The following NFATC3 variants were observed in gnomAD, a reference collection of about 807,000 sequenced individuals.
NFATC3 encodes the protein nuclear factor of activated T cells 3, also known as nuclear factor of activated T-cells, cytoplasmic 3.
In NFATC3, 46 loss-of-function variants were observed where a neutral mutation model predicts 98.6. The observed-to-expected ratio is 0.47, with a 90% CI of 0.37 to 0.60. The LOEUF (loss-of-function observed/expected upper bound fraction) is 0.60. Among genes scored for constraint, NFATC3 ranks in the 20% least tolerant of loss-of-function variants. NFATC3 has a pLI of 0.00. For missense variants in NFATC3, 1,256 were observed against 1,295.5 expected (o/e 0.97, Z 0.47); for synonymous variants, 512 against 472.2 (o/e 1.08, Z -1.09).
intron 1 of NFATC3, among the ~76,000 whole-genome samples, chr16:68,100,233 C>G (rs1469166320): frequency 6.6e-6 from 1 of 151,602 alleles, no homozygotes; most frequent in African/African-American, 2.4e-5. Flanking sequence ...GGTATAAATA[C>G]CCAGAAGTAC....
At chr16:68,170,296 C>G (rs891698269) in intron 5 of NFATC3, among the ~76,000 whole-genome samples, 4 of 138,298 alleles carry the variant, frequency 2.9e-5, no homozygotes, top group Non-Finnish European at 6.1e-5. Flanking sequence ...GAGGTTGAGG[C>G]AAAGGAATCA....
intron 3 of NFATC3, among the ~76,000 whole-genome samples, chr16:68,156,280 A>T (rs2038609874): frequency 6.6e-6 from 1 of 152,156 alleles, no homozygotes; most frequent in Non-Finnish European, 1.5e-5. Flanking sequence ...GTGTCACTGC[A>T]CTCCAGCCTG....
chr16:68,136,847 A>G (rs965866267), intron 3 of NFATC3, among the ~76,000 whole-genome samples: 4 of 152,188 alleles, frequency 2.6e-5, no homozygotes, highest in Non-Finnish European at 5.9e-5. Flanking sequence ...CCTGGGCAAC[A>G]TGTTGAGAGC....
intron 9 of NFATC3, chr16:68,218,203 C>A: frequency 5.0e-6 from 1 of 200,650 alleles, no homozygotes; most frequent in Non-Finnish European, 8.9e-6. Context: ...GCTGGGATTA[C>A]AAGCATGACC....
chr16:68,110,287 G>C (rs56377614), intron 1 of NFATC3, among the ~76,000 whole-genome samples: 1,979 of 151,088 alleles, frequency 0.013, 42 homozygotes, highest in African/African-American at 0.045. Context: ...TTACAGGTGT[G>C]AGCCACCGTG....
intron 5 of NFATC3, among the ~76,000 whole-genome samples, chr16:68,170,221 T>G (rs1209291248): frequency 6.6e-6 from 1 of 151,592 alleles, no homozygotes; most frequent in Non-Finnish European, 1.5e-5. Context: ...TGAAACCCCA[T>G]CTCTACTAAA....
chr16:68,135,302 C>T (rs890209396), intron 3 of NFATC3, among the ~76,000 whole-genome samples: 6 of 151,590 alleles, frequency 4.0e-5, no homozygotes, highest in Admixed American at 1.3e-4. Flanking sequence ...ACTAAAAATA[C>T]AAAAAATTAG....
In NFATC3 at chr16:68,226,642, A is replaced by G; in HGVS notation, c.*171A>G. ...AGGCCTTGGGTAGATTTGGCAAAAG[A>G]ACAGGAGCAGCATAGGCTGTTTGAG... On this transcript the variant is annotated 3_prime_UTR_variant, in exon 10 of 10. Coordinates refer to ENST00000346183, the MANE Select transcript of NFATC3 (RefSeq NM_173165.3). 1.5e-6 allele frequency: 1 copy of G among 661,628 alleles called. No individual in the cohort carries two copies. Among genetic ancestry groups the G allele is most frequent in the Non-Finnish European group, 2.3e-6 (1 of 428,682 alleles). 41.0% of individuals were successfully genotyped at this position (661,628 alleles called of 1,614,324 possible).
rs564298106 is a variant in NFATC3, at chr16:68,191,124, A to G, written c.2455A>G (p.Ile819Val). ...VVYNGPTCLP[I>V]NAASSQEFDS... ...GTACAATGGACCAACTTGTCTTCCT[A>G]TTAATGCTGCCTCTAGTCAAGAATT... The change falls in exon 9 of 10, where the codon ATT becomes GTT. Residue 819 changes from isoleucine (I) to valine (V), a missense_variant. Physicochemically the swap from Ile to Val is conservative, Grantham distance 29. This residue lies in a region of NFATC3 where 636 missense variants were observed against 617.3 expected (regional missense o/e 1.03). Transcript: ENST00000346183. The G allele has an allele frequency of 1.1e-5, 18 of 1,614,218 alleles. No individual in the cohort carries two copies. The highest frequency in any genetic ancestry group is 1.0e-4 in the Admixed American group (6 of 60,028).
intron 9 of NFATC3, 175 bp downstream of exon 9, chr16:68,191,950 C>A: frequency 1.5e-6 from 1 of 679,796 alleles, no homozygotes; most frequent in Non-Finnish European, 2.4e-6. Context: ...CGGCTCACGC[C>A]TGTATCCCAG....
chr16:68,184,631 G>C (rs947319733), intron 8 of NFATC3, among the ~76,000 whole-genome samples: 1 of 152,014 alleles, frequency 6.6e-6, no homozygotes, highest in Non-Finnish European at 1.5e-5. Flanking sequence ...GTGAAACCCC[G>C]TCTCTACTAA....
chr16:68,088,316 G>A (rs1246835863), intron 1 of NFATC3, among the ~76,000 whole-genome samples: 1 of 146,286 alleles, frequency 6.8e-6, no homozygotes, highest in Non-Finnish European at 1.5e-5. Flanking sequence ...CCTTTACATA[G>A]TAGGCACTAT....
intron 5 of NFATC3, among the ~76,000 whole-genome samples, chr16:68,172,977 C>T (rs2039532038): frequency 6.6e-6 from 1 of 152,108 alleles, no homozygotes; most frequent in African/African-American, 2.4e-5. Flanking sequence ...ATGTAAATAT[C>T]TGGGCCCAGT....
intron 3 of NFATC3, among the ~76,000 whole-genome samples, chr16:68,157,495 C>T (rs1234723596): frequency 6.6e-6 from 1 of 152,106 alleles, no homozygotes; most frequent in Non-Finnish European, 1.5e-5. Flanking sequence ...GTTAGAGGAC[C>T]TTCCTATATA....
rs1456626442 is a variant in NFATC3 at position 68,170,486 on chromosome 16, T to TGG, written c.1774+3472_1774+3473dup. The stretch of plus-strand genomic sequence containing the variant: ...ATATATAGTCAGTATTAACCTTTTC[T>TGG]GGCTGTTCTTTTTTTTTTTTTTTTG... On this transcript the variant is annotated intron_variant, in intron 5 of 9. Coordinates refer to ENST00000346183, the MANE Select transcript of NFATC3 (RefSeq NM_173165.3). 9.9e-5 allele frequency among the ~76,000 whole-genome samples: 15 copies of TGG among 151,056 alleles called. No homozygotes were observed. In the South Asian group the frequency reaches 2.9e-3, roughly 29 times the overall value.
At chr16:68,095,828 C>A (rs1196807064) in intron 1 of NFATC3, among the ~76,000 whole-genome samples, 1 of 152,044 alleles carries the variant, frequency 6.6e-6, no homozygotes, top group East Asian at 1.9e-4. Context: ...GGGTTGGTGT[C>A]TTGATGGGTG....
At position 68,122,466 on chromosome 16, in the gene NFATC3, G is replaced by A. The variant is rs2036620044; in HGVS notation, c.583G>A (p.Glu195Lys). ...LSHIYDDVDS[E>K]LNEAAARFTL... ...ACATATTTATGATGATGTGGACTCA[G>A]AGTTGAATGAAGCTGCAGCCCGATT... Residue 195 changes from glutamate to lysine, a missense_variant, in exon 2 of 10, where the codon GAG (glutamate) becomes AAG (lysine). Physicochemically the swap from Glu to Lys is moderately conservative, Grantham distance 56 (BLOSUM62 1). Transcript: ENST00000346183. 6.2e-7 allele frequency: 1 copy of A among 1,613,986 alleles called. No homozygotes were observed.
intron 3 of NFATC3, among the ~76,000 whole-genome samples, chr16:68,153,173 G>T (rs1175181733): frequency 6.6e-6 from 1 of 151,962 alleles, no homozygotes; most frequent in Non-Finnish European, 1.5e-5. Context: ...AAGGCAGGTG[G>T]ATCACCTGAG....
At chr16:68,151,790 C>A (rs1476581975) in intron 3 of NFATC3, among the ~76,000 whole-genome samples, 1 of 152,150 alleles carries the variant, frequency 6.6e-6, no homozygotes, top group Admixed American at 6.6e-5. Context: ...CATTCTAAGT[C>A]GGGCACAGTG....
Sources: gnomAD v4.1 joint callset for allele counts (sites outside exome capture counted in the v4.1 genomes callset) on GRCh38, gnomAD v4.1.1 for gene constraint, gnomAD v4.1.1 regional missense constraint, MANE v1.5 for transcripts, NCBI Gene and HGNC (gene_info 2026-07-23, HGNC 2026-07-21) for gene names.